Variants in TCAIM observed in about 807,000 individuals in gnomAD.
TCAIM encodes T cell activation inhibitor, mitochondrial, also known as T-cell activation inhibitor, mitochondrial.
TCAIM carries 36 observed loss-of-function variants against 58.6 expected under a neutral mutation model. The observed-to-expected ratio is 0.61, with a 90% CI of 0.47 to 0.81. The LOEUF (loss-of-function observed/expected upper bound fraction) is 0.81, where lower values mean the gene tolerates loss of function less well. TCAIM is among the 30% of genes least tolerant of loss of function. The pLI is 0.00. For missense variants in TCAIM, 466 were observed against 579.6 expected (o/e 0.80, Z 2.01); for synonymous variants, 172 against 193.6 (o/e 0.89, Z 0.93).
At chr3:44,366,956 T>C (rs567281230) in intron 4 of TCAIM, among the ~76,000 whole-genome samples, 1 of 152,320 alleles carries the variant, frequency 6.6e-6, no homozygotes, top group South Asian at 2.1e-4. Flanking sequence ...TGAGCAAGTA[T>C]GAGGACCATC....
intron 1 of TCAIM, among the ~76,000 whole-genome samples, chr3:44,339,112 T>A (rs1700800199): frequency 6.6e-6 from 1 of 151,032 alleles, no homozygotes; most frequent in Non-Finnish European, 1.5e-5. Flanking sequence ...TATAGCGAGA[T>A]TTAGAAAAGG....
chr3:44,339,052 A>G (rs958432071), intron 1 of TCAIM, among the ~76,000 whole-genome samples: 7 of 152,036 alleles, frequency 4.6e-5, no homozygotes, highest in African/African-American at 1.7e-4. Flanking sequence ...TCCGACTTAT[A>G]TTTTTCCGAG....
intron 1 of TCAIM, 102 bp downstream of exon 1, chr3:44,338,936 C>T (rs567764197): frequency 6.6e-6 from 1 of 152,214 alleles, no homozygotes; most frequent in Non-Finnish European, 1.5e-5. Context: ...GCGCAAAGTG[C>T]TAACTTTTGA....
At chr3:44,385,689 G>A (rs1701727872) in intron 5 of TCAIM, among the ~76,000 whole-genome samples, 3 of 152,164 alleles carry the variant, frequency 2.0e-5, no homozygotes, top group Non-Finnish European at 4.4e-5. Flanking sequence ...GTTGCAGTGA[G>A]CCGAGATTGC....
intron 8 of TCAIM, among the ~76,000 whole-genome samples, chr3:44,399,185 A>C (rs900242318): frequency 6.6e-6 from 1 of 152,244 alleles, no homozygotes; most frequent in Non-Finnish European, 1.5e-5. Context: ...GAGTAAGATT[A>C]ATGAATTGTA....
intron 10 of TCAIM, among the ~76,000 whole-genome samples, chr3:44,406,362 T>A (rs1181647301): frequency 2.0e-5 from 3 of 152,242 alleles, no homozygotes; most frequent in African/African-American, 7.2e-5. Flanking sequence ...CTGCTATTGA[T>A]AGAAGTTTAA....
At chr3:44,359,932 G>C (rs1028756221) in intron 3 of TCAIM, 1 of 152,082 alleles carries the variant, frequency 6.6e-6, no homozygotes, top group African/African-American at 2.4e-5. Context: ...TCTTTAACTT[G>C]TATTTATTGA....
chr3:44,406,871 G>C (rs1379755760), intron 10 of TCAIM, among the ~76,000 whole-genome samples: 1 of 152,150 alleles, frequency 6.6e-6, no homozygotes, highest in Non-Finnish European at 1.5e-5. Flanking sequence ...GTTCTGCCTA[G>C]AGTTGTATAC....
At chr3:44,384,542 A>G (rs1454668045) in intron 5 of TCAIM, among the ~76,000 whole-genome samples, 1 of 152,240 alleles carries the variant, frequency 6.6e-6, no homozygotes, top group Non-Finnish European at 1.5e-5. Context: ...ATTGGTCCCA[A>G]AAAGAATACT....
chr3:44,361,632 G>T, intron 4 of TCAIM, 114 bp downstream of exon 4: 1 of 1,025,600 alleles, frequency 9.8e-7, no homozygotes, highest in South Asian at 2.7e-5. Flanking sequence ...AAAAATAATA[G>T]CATTTAATTG....
intron 10 of TCAIM, among the ~76,000 whole-genome samples, chr3:44,401,919 G>A (rs1702027191): frequency 6.6e-6 from 1 of 152,122 alleles, no homozygotes; most frequent in Non-Finnish European, 1.5e-5. Flanking sequence ...TCTAGTCCCA[G>A]CTACTCAGGA....
At chr3:44,371,836 ATC>A (rs999846795) in intron 5 of TCAIM, among the ~76,000 whole-genome samples, 1 of 152,158 alleles carries the variant, frequency 6.6e-6, no homozygotes, top group African/African-American at 2.4e-5. Flanking sequence ...CTGGAATGGT[ATC>A]TCTATCAATT....
intron 10 of TCAIM, among the ~76,000 whole-genome samples, chr3:44,405,757 A>T (rs1402996386): frequency 6.6e-6 from 1 of 151,616 alleles, no homozygotes; most frequent in Non-Finnish European, 1.5e-5. Context: ...GTAGTTGAAG[A>T]CCAGCCTGGC....
intron 4 of TCAIM, among the ~76,000 whole-genome samples, chr3:44,366,724 C>T (rs1380008917): frequency 2.6e-5 from 4 of 151,948 alleles, no homozygotes; most frequent in African/African-American, 4.8e-5. Context: ...CCTCGGCCTC[C>T]CAAAGTGCTG....
At chr3:44,391,633 G>A (rs973646049) in intron 5 of TCAIM, among the ~76,000 whole-genome samples, 1 of 152,310 alleles carries the variant, frequency 6.6e-6, no homozygotes, top group African/African-American at 2.4e-5. Context: ...ATTTGGTTGG[G>A]TGGAAAGGAA....
Position 44,384,918 on chromosome 3 carries a change from C to T in TCAIM, c.573-7937C>T, listed in dbSNP as rs560610172. Among the ~76,000 whole-genome samples, 16 of 151,972 alleles carry T rather than the reference C, an allele frequency of 1.1e-4. No individual in the cohort carries two copies. In the East Asian group the frequency reaches 2.1e-3, roughly 20 times the overall value. On this transcript the variant is annotated intron_variant, in intron 5 of 10. Transcript: ENST00000342649. ...CAGGCATTTATTAAATTTCATGGAG[C>T]GTGATAAATGAGAAAATACTAATAG...
intron 1 of TCAIM, among the ~76,000 whole-genome samples, chr3:44,351,604 G>T (rs1167590842): frequency 4.0e-5 from 6 of 151,692 alleles, no homozygotes; most frequent in African/African-American, 1.5e-4. Flanking sequence ...AAGTGATTCT[G>T]CTGCCTCAGC....
intron 5 of TCAIM, among the ~76,000 whole-genome samples, chr3:44,379,791 A>C (rs1701626901): frequency 1.3e-5 from 2 of 152,154 alleles, no homozygotes; most frequent in East Asian, 3.9e-4. Context: ...CCTGGGTGAC[A>C]GGATCAATCA....
Position 44,367,340 on chromosome 3 carries a change from C to A in TCAIM, c.320-116C>A, listed in dbSNP as rs542709171. On this transcript the variant is annotated intron_variant, in intron 4 of 10. Transcript: ENST00000342649. Reference sequence around the variant, plus strand: ...TCATTTTCCATTTACAGGTGATTTGCTAATAGGACGAATTTAAATCAGTAA... The same window carrying A: ...TCATTTTCCATTTACAGGTGATTTGATAATAGGACGAATTTAAATCAGTAA... The A allele has an allele frequency of 4.7e-5, 58 of 1,238,186 alleles. 1 individual carries two copies. The South Asian group carries it at 1.1e-3, about 23-fold the overall frequency. The allele number at this position is 1,238,186 out of a possible 1,614,324, so 76.7% of individuals were successfully genotyped here.
Sources: gnomAD v4.1 joint callset for allele counts (sites outside exome capture counted in the v4.1 genomes callset) on GRCh38, gnomAD v4.1.1 for gene constraint, MANE v1.5 for transcripts, NCBI Gene and HGNC (gene_info 2026-07-23, HGNC 2026-07-21) for gene names.